Variants in RTF2 observed in about 807,000 individuals in gnomAD.
RTF2 encodes the protein UPF0549 protein C20orf43.
Under a neutral mutation model 38.0 loss-of-function variants are expected in RTF2, and 18 were observed. The observed-to-expected ratio is 0.47, with a 90% confidence interval of 0.33 to 0.70. The LOEUF is 0.70. Ranked by LOEUF, RTF2 falls within the 30% of genes least tolerant of loss-of-function variation. The pLI is 0.02. For synonymous variants in RTF2, 126 were observed against 137.1 expected (o/e 0.92, Z 0.57); for missense variants, 311 against 379.6 (o/e 0.82, Z 1.50).
At chr20:56,500,813 C>T (rs1983879757) in intron 5 of RTF2, among the ~76,000 whole-genome samples, 1 of 152,074 alleles carries the variant, frequency 6.6e-6, no homozygotes, top group African/African-American at 2.4e-5. Context: ...CAAGGCCTCA[C>T]TCTTATCACT....
intron 5 of RTF2, chr20:56,496,793 G>A (rs1983571905): frequency 6.4e-7 from 1 of 1,552,150 alleles, no homozygotes; most frequent in East Asian, 2.4e-5. Context: ...AAATGGTTAA[G>A]TTATGGGGTG....
At chr20:56,478,710 C>T (rs1322886458) in intron 4 of RTF2, among the ~76,000 whole-genome samples, 3 of 152,064 alleles carry the variant, frequency 2.0e-5, no homozygotes, top group Admixed American at 1.3e-4. Flanking sequence ...GCTGAAGGTT[C>T]GGGTGGCTGT....
chr20:56,490,148 C>T (rs1343181577), intron 5 of RTF2, among the ~76,000 whole-genome samples: 4 of 152,302 alleles, frequency 2.6e-5, no homozygotes, highest in African/African-American at 9.6e-5. Context: ...ATGATGTTTT[C>T]CCAGGGCTAT....
intron 8 of RTF2, 26 bp downstream of exon 8, chr20:56,517,227 G>A (rs1225288419): frequency 6.3e-7 from 1 of 1,595,950 alleles, no homozygotes; most frequent in East Asian, 2.2e-5. Context: ...GCTACAGGGA[G>A]CTGTTTCGAG....
At chr20:56,496,525 G>C (rs1328305030) in intron 5 of RTF2, 1 of 1,220,250 alleles carries the variant, frequency 8.2e-7, no homozygotes, top group African/African-American at 1.5e-5. Context: ...TCCAGCCTCG[G>C]TGACCGTGTG....
At chr20:56,475,020 C>T (rs539397909) in intron 3 of RTF2, among the ~76,000 whole-genome samples, 1 of 152,270 alleles carries the variant, frequency 6.6e-6, no homozygotes, top group East Asian at 1.9e-4. Context: ...TTGATGTTCT[C>T]TATTAATGTT....
chr20:56,511,000 C>T (rs1222637639), intron 5 of RTF2, among the ~76,000 whole-genome samples: 1 of 152,066 alleles, frequency 6.6e-6, no homozygotes, highest in Non-Finnish European at 1.5e-5. Flanking sequence ...TAAATGAATC[C>T]TTTGAATGTT....
intron 1 of RTF2, among the ~76,000 whole-genome samples, chr20:56,471,402 A>C (rs1981955650): frequency 3.3e-5 from 5 of 152,094 alleles, no homozygotes; most frequent in African/African-American, 9.7e-5. Flanking sequence ...CCCTGTCTCC[A>C]CTAAAAATAC....
chr20:56,518,310 C>T lies in RTF2; in HGVS notation c.*45C>T. On this transcript the variant is annotated 3_prime_UTR_variant, in exon 9 of 9. Transcript: ENST00000357348. ...CCTGCCCCAGAAGGTTGTTTAGTTT[C>T]CACGTAGGCAGGTCGCTTTGTGCCT... 1 of 1,569,632 alleles carries T rather than the reference C, an allele frequency of 6.4e-7. No individual in the cohort carries two copies. The highest frequency in any genetic ancestry group is 2.2e-5 in the East Asian group (1 of 44,544).
intron 5 of RTF2, among the ~76,000 whole-genome samples, chr20:56,505,522 C>T (rs1984212957): frequency 1.6e-5 from 1 of 62,602 alleles, no homozygotes; most frequent in Non-Finnish European, 3.2e-5. Flanking sequence ...ATAATATTTG[C>T]CCTGTGGGTG....
intron 6 of RTF2, 98 bp from the exon 7 acceptor site, chr20:56,516,837 G>A: frequency 9.6e-7 from 1 of 1,041,220 alleles, no homozygotes; most frequent in Non-Finnish European, 1.5e-6. Flanking sequence ...ACTAGCATCG[G>A]TCAGTCAGAC....
chr20:56,478,366 G>A (rs1438884091), intron 4 of RTF2, among the ~76,000 whole-genome samples: 1 of 152,084 alleles, frequency 6.6e-6, no homozygotes, highest in Admixed American at 6.6e-5. Context: ...ATGGTGGCAT[G>A]TACCTATAGA....
intron 5 of RTF2, chr20:56,497,214 T>G: frequency 6.4e-7 from 1 of 1,551,820 alleles, no homozygotes; most frequent in South Asian, 1.2e-5. Flanking sequence ...TTGAGGTACA[T>G]AAATAGCTCT....
In RTF2 at chr20:56,474,777, A is replaced by C; in HGVS notation, c.258+6A>C. On this transcript the variant is annotated splice_donor_region_variant and intron_variant, in intron 3 of 8. Transcript: ENST00000357348. ...CTCACATTAAAAGCATTAAGGTAAC[A>C]CGAGTGATTCTGAAGTGCTGTGAGG... 6.4e-7 allele frequency: 1 copy of C among 1,571,526 alleles called. No homozygotes were observed. The highest frequency in any genetic ancestry group is 8.7e-7 in the Non-Finnish European group (1 of 1,146,092).
At chr20:56,477,226 T>G (rs1165667399) in intron 4 of RTF2, 102 bp downstream of exon 4, 6 of 1,390,772 alleles carry the variant, frequency 4.3e-6, no homozygotes, top group Non-Finnish European at 6.0e-6. Flanking sequence ...GCTTGCTTTC[T>G]GGTGTCCTTG....
chr20:56,497,070 C>T, intron 5 of RTF2: 4 of 1,551,640 alleles, frequency 2.6e-6, no homozygotes, highest in Non-Finnish European at 3.5e-6. Context: ...TGCCTGTAGT[C>T]TTGTAAAGCC....
chr20:56,497,157 T>G (rs774416933), intron 5 of RTF2: 1 of 1,551,390 alleles, frequency 6.4e-7, no homozygotes, highest in South Asian at 1.2e-5. Flanking sequence ...CACAGCAGTC[T>G]TATACTTCAT....
intron 5 of RTF2, among the ~76,000 whole-genome samples, chr20:56,499,622 C>G (rs1983794364): frequency 6.6e-6 from 1 of 152,012 alleles, no homozygotes; most frequent in South Asian, 2.1e-4. Context: ...ACTACTTCTC[C>G]TATAAGAATT....
At chr20:56,513,231 C>T in intron 5 of RTF2, 84 bp from the exon 6 acceptor site, 1 of 1,522,286 alleles carries the variant, frequency 6.6e-7, no homozygotes. Flanking sequence ...GGGGCCACTG[C>T]TTGGGGCTGA....
Sources: allele counts gnomAD v4.1 joint callset (sites outside exome capture counted in the v4.1 genomes callset), GRCh38; gene constraint gnomAD v4.1.1; transcripts MANE v1.5; gene names NCBI Gene and HGNC (gene_info 2026-07-23, HGNC 2026-07-21).